The following FAM124B variants were observed in gnomAD, a reference collection of about 807,000 sequenced individuals.
FAM124B encodes the protein family with sequence similarity 124 member B, also known as protein FAM124B.
FAM124B carries 18 observed loss-of-function variants against 19.7 expected under a neutral mutation model. That is an observed-to-expected ratio of 0.92 (90% confidence interval 0.63 to 1.36). FAM124B has a LOEUF of 1.36. Ranked by LOEUF, FAM124B falls within the 40% of genes most tolerant of loss-of-function variation. FAM124B has a pLI of 0.00. For synonymous variants in FAM124B, 223 were observed against 225.2 expected, an observed-to-expected ratio of 0.99 and a Z score of 0.09; for missense variants, 540 against 553.3, an observed-to-expected ratio of 0.98 and a Z score of 0.24.
Position 224,401,105 on chromosome 2 carries a change from G to A in FAM124B, c.664C>T (p.Pro222Ser). Reference protein sequence around the residue: ...IGQLVPLLPNPCMPISSTRWQ... With the variant: ...IGQLVPLLPNSCMPISSTRWQ... ...CTGGTGCTGCTGATAGGCATGCATG[G>A]ATTGGGTAGCAGAGGCACTAACTGG... is the stretch of plus-strand genomic sequence containing the variant. Residue 222 changes from proline (P) to serine (S), a missense_variant, in exon 1 of 2, where the codon CCA becomes TCA. Physicochemically the swap from Pro to Ser is moderately conservative, Grantham distance 74. Coordinates refer to ENST00000409685, the MANE Select transcript of FAM124B (RefSeq NM_001122779.2). 1 of 1,614,138 alleles carries A rather than the reference G, an allele frequency of 6.2e-7. No individual in the cohort carries two copies.
chr2:224,401,132 C>G lies in FAM124B; in HGVS notation c.637G>C (p.Gly213Arg), dbSNP rs771811630. The change falls in exon 1 of 2, where the codon GGC (glycine) becomes CGC (arginine). Residue 213 changes from glycine (G) to arginine (R), a missense_variant. Transcript: ENST00000409685. ...TTGGGTAGCAGAGGCACTAACTGGC[C>G]GATCTCTTGAACCTTAAACTGCAGC... ...SVLQFKVQEI[G>R]QLVPLLPNPC... 2 of 1,614,100 alleles carry G rather than the reference C, an allele frequency of 1.2e-6. No homozygotes were observed. The highest frequency in any genetic ancestry group is 1.7e-6 in the Non-Finnish European group (2 of 1,180,028).
chr2:224,399,675 A>G (rs1690031360), intron 1 of FAM124B: 1 of 152,212 alleles, frequency 6.6e-6, no homozygotes. Context: ...TATCTTGGGC[A>G]AATAACTGAC....
At chr2:224,380,443 C>A (rs1369075193) in intron 1 of FAM124B, among the ~76,000 whole-genome samples, 2 of 152,130 alleles carry the variant, frequency 1.3e-5, no homozygotes, top group Non-Finnish European at 2.9e-5. Flanking sequence ...AAGGGTAAGA[C>A]TTTGGGAATC....
chr2:224,381,785 G>A (rs1378282418), intron 1 of FAM124B, among the ~76,000 whole-genome samples: 1 of 152,146 alleles, frequency 6.6e-6, no homozygotes, highest in African/African-American at 2.4e-5. Flanking sequence ...CGGGGGGAAG[G>A]TTGTATATGG....
Position 224,379,327 on chromosome 2 carries a change from G to T in FAM124B, c.*246C>A. On this transcript the variant is annotated 3_prime_UTR_variant, in exon 2 of 2. Coordinates refer to ENST00000409685, the MANE Select transcript of FAM124B (RefSeq NM_001122779.2). ...CCAGCTGGGTTAGTGCATCTCCACG[G>T]AACAAAAGCATTCGGTTTTTTTCCC... 2.1e-6 allele frequency: 1 copy of T among 482,908 alleles called. No individual in the cohort carries two copies. Among genetic ancestry groups the T allele is most frequent in the Non-Finnish European group, 3.5e-6 (1 of 281,982 alleles). The allele number at this position is 482,908 out of a possible 1,614,324, so 29.9% of individuals were successfully genotyped here.
chr2:224,381,270 C>G (rs1188837160), intron 1 of FAM124B, among the ~76,000 whole-genome samples: 2 of 152,060 alleles, frequency 1.3e-5, no homozygotes, highest in African/African-American at 4.8e-5. Context: ...CCAGCTTGGG[C>G]AACTAGCAAG....
chr2:224,395,555 C>T (rs1689955471), intron 1 of FAM124B, among the ~76,000 whole-genome samples: 1 of 152,152 alleles, frequency 6.6e-6, no homozygotes, highest in South Asian at 2.1e-4. Context: ...AGGTTGAACC[C>T]ACTATCATTT....
intron 1 of FAM124B, among the ~76,000 whole-genome samples, chr2:224,391,338 T>C (rs1196652897): frequency 7.2e-6 from 1 of 139,816 alleles, no homozygotes. Context: ...AAGACTCTTG[T>C]CTCAAAAAAA....
chr2:224,397,228 T>C (rs1206794562), intron 1 of FAM124B, among the ~76,000 whole-genome samples: 2 of 152,064 alleles, frequency 1.3e-5, no homozygotes, highest in Non-Finnish European at 2.9e-5. Flanking sequence ...ATGAGTCTCA[T>C]GAGATCTGAT....
At chr2:224,398,037 G>A (rs1188041884) in intron 1 of FAM124B, among the ~76,000 whole-genome samples, 1 of 152,204 alleles carries the variant, frequency 6.6e-6, no homozygotes, top group African/African-American at 2.4e-5. Context: ...ACGTGGAACT[G>A]TGAGTCCAAT....
intron 1 of FAM124B, among the ~76,000 whole-genome samples, chr2:224,382,206 A>G (rs1273072159): frequency 1.3e-5 from 2 of 152,248 alleles, no homozygotes; most frequent in Non-Finnish European, 1.5e-5. Flanking sequence ...CCAACTATCC[A>G]ACTCTGCTGC....
At position 224,380,009 on chromosome 2, in the gene FAM124B, C is replaced by T; in HGVS notation, c.932G>A (p.Gly311Asp). The T allele has an allele frequency of 6.4e-7, 1 of 1,551,724 alleles. No individual in the cohort carries two copies. Among genetic ancestry groups the T allele is most frequent in the Non-Finnish European group, 8.7e-7 (1 of 1,147,014 alleles). ...SGSPTSDRCA[G>D]TSWKSPGRSF... Reference sequence around the variant, plus strand: ...CCGGCCAGGGCTTTTCCACGAAGTGCCAGCACACCTGTCTGATGTGGGGCT... The same window carrying T: ...CCGGCCAGGGCTTTTCCACGAAGTGTCAGCACACCTGTCTGATGTGGGGCT... The change falls in exon 2 of 2, where the codon GGC becomes GAC. Residue 311 changes from glycine to aspartate, a missense_variant. By Grantham distance (94) the Gly-to-Asp change is moderately conservative (BLOSUM62 -1). Transcript: ENST00000409685.
At chr2:224,385,240 C>T (rs774972039) in intron 1 of FAM124B, among the ~76,000 whole-genome samples, 5 of 152,216 alleles carry the variant, frequency 3.3e-5, no homozygotes, top group Non-Finnish European at 5.9e-5. Flanking sequence ...AGGTCATCTA[C>T]AATCAGCCCT....
At chr2:224,397,724 C>G (rs936256954) in intron 1 of FAM124B, among the ~76,000 whole-genome samples, 1 of 152,180 alleles carries the variant, frequency 6.6e-6, no homozygotes, top group Non-Finnish European at 1.5e-5. Context: ...TATGTTTTAG[C>G]AAAGAAACTG....
At position 224,396,335 on chromosome 2, in the gene FAM124B, T is replaced by C. The variant is rs529828225; in HGVS notation, c.732+4702A>G. ...TGTTTGAGACACCCTTGCTCCCTTCTCCAACTGGCTAATTCCTCCTGGGCC... is the reference window on the plus strand; with the variant it reads ...TGTTTGAGACACCCTTGCTCCCTTCCCCAACTGGCTAATTCCTCCTGGGCC... On this transcript the variant is annotated intron_variant, in intron 1 of 1. Coordinates refer to ENST00000409685, the MANE Select transcript of FAM124B (RefSeq NM_001122779.2). Among the ~76,000 whole-genome samples the C allele has an allele frequency of 3.9e-5, 6 of 152,152 alleles. No homozygotes were observed. In the East Asian group the frequency reaches 1.2e-3, roughly 30 times the overall value.
At chr2:224,400,378 T>A (rs778143613) in intron 1 of FAM124B, 1 of 665,728 alleles carries the variant, frequency 1.5e-6, no homozygotes, top group South Asian at 1.7e-5. Flanking sequence ...TGGCGGCACG[T>A]GCCTGTAGTC....
chr2:224,395,025 G>A lies in FAM124B; in HGVS notation c.732+6012C>T, dbSNP rs566466501. Among the ~76,000 whole-genome samples, 77 of 152,306 alleles carry A rather than the reference G, an allele frequency of 5.1e-4. 1 individual carries two copies. The highest frequency in any genetic ancestry group is 8.2e-4 in the African/African-American group (34 of 41,564). On this transcript the variant is annotated intron_variant, in intron 1 of 1. Coordinates refer to ENST00000409685, the MANE Select transcript of FAM124B (RefSeq NM_001122779.2). ...CCATGAAATATAGACCTTGCTGAGCGTTTCAAGTGGCTTTGAGGGAGGTTT... is the reference window on the plus strand; with the variant it reads ...CCATGAAATATAGACCTTGCTGAGCATTTCAAGTGGCTTTGAGGGAGGTTT...
chr2:224,390,657 C>G (rs4673101), intron 1 of FAM124B, among the ~76,000 whole-genome samples: 72,844 of 150,504 alleles, frequency 0.48, 19,733 homozygotes, highest in African/African-American at 0.75. Context: ...AATTAAATCA[C>G]TTGGAGGAAA....
chr2:224,401,276 T>C lies in FAM124B; in HGVS notation c.493A>G (p.Thr165Ala). 6.2e-7 allele frequency: 1 copy of C among 1,613,762 alleles called. No homozygotes were observed. The highest frequency in any genetic ancestry group is 8.5e-7 in the Non-Finnish European group (1 of 1,179,994). ...LYEMILQREATLQKSNFCFFV... is the reference protein window; with the variant it reads ...LYEMILQREAALQKSNFCFFV... ...AAACAAAAATTGCTCTTTTGCAAGG[T>C]CGCTTCTCTCTGCAGGATCATCTCG... Residue 165 changes from threonine (T) to alanine (A), a missense_variant, in exon 1 of 2, where the codon ACC (threonine) becomes GCC (alanine). Coordinates refer to ENST00000409685, the MANE Select transcript of FAM124B (RefSeq NM_001122779.2).
Sources: allele counts gnomAD v4.1 joint callset (sites outside exome capture counted in the v4.1 genomes callset), GRCh38; gene constraint gnomAD v4.1.1; transcripts MANE v1.5; gene names NCBI Gene and HGNC (gene_info 2026-07-23, HGNC 2026-07-21).